The following DOCK3 variants were observed in gnomAD, a reference collection of about 807,000 sequenced individuals.
The protein encoded by DOCK3 is dedicator of cytokinesis protein 3.
A neutral mutation model predicts 265.6 loss-of-function variants in DOCK3; 60 were observed. That is an observed-to-expected ratio of 0.23 (90% CI 0.18 to 0.28). DOCK3 has a LOEUF of 0.28. Among genes scored for constraint, DOCK3 ranks in the 10% least tolerant of loss-of-function variants. The pLI is 1.00. For missense variants in DOCK3, 1,981 were observed against 2,594.3 expected (o/e 0.76, Z 5.14); for synonymous variants, 881 against 938.0 (o/e 0.94, Z 1.11).
intron 9 of DOCK3, among the ~76,000 whole-genome samples, chr3:51,118,798 AT>A (rs564429211): frequency 7.5e-4 from 108 of 143,652 alleles, no homozygotes; most frequent in Admixed American, 1.3e-3. Flanking sequence ...ATTACAACCC[AT>A]TTTTTTTTTT....
intron 5 of DOCK3, among the ~76,000 whole-genome samples, chr3:50,956,695 C>G (rs1034988767): frequency 6.6e-6 from 1 of 152,094 alleles, no homozygotes; most frequent in African/African-American, 2.4e-5. Context: ...TAGATTTTGT[C>G]TAGCTGAGTA....
At chr3:51,163,450 C>G (rs968303059) in intron 12 of DOCK3, among the ~76,000 whole-genome samples, 2 of 151,304 alleles carry the variant, frequency 1.3e-5, no homozygotes, top group Admixed American at 6.6e-5. Context: ...AAAACTAAGT[C>G]ACTTCCTAAT....
At chr3:51,379,940 CT>C (rs2088484455) in intron 51 of DOCK3, among the ~76,000 whole-genome samples, 184 bp from the exon 52 acceptor site, 1 of 152,200 alleles carries the variant, frequency 6.6e-6, no homozygotes, top group South Asian at 2.1e-4. Flanking sequence ...GAGTGAGTTT[CT>C]TTTACCCCAG....
chr3:50,740,713 G>A (rs2038962499), intron 1 of DOCK3, among the ~76,000 whole-genome samples: 1 of 152,080 alleles, frequency 6.6e-6, no homozygotes, highest in South Asian at 2.1e-4. Context: ...GGTTTTTAAA[G>A]TTGTTGTAGT....
intron 12 of DOCK3, among the ~76,000 whole-genome samples, chr3:51,191,916 A>G (rs2087971706): frequency 6.6e-6 from 1 of 151,362 alleles, no homozygotes; most frequent in African/African-American, 2.4e-5. Context: ...GTTTGGAAAT[A>G]TTAGTCCCTT....
intron 48 of DOCK3, 41 bp from the exon 49 acceptor site, chr3:51,362,486 C>G (rs781649422): frequency 6.2e-7 from 1 of 1,612,356 alleles, no homozygotes; most frequent in Non-Finnish European, 8.5e-7. Context: ...AAAGTCCTGG[C>G]CATTCAGACC....
rs142918885 is a variant in DOCK3 at position 51,202,034 on chromosome 3, G to T, written c.1038-6740G>T. On this transcript the variant is annotated intron_variant, in intron 12 of 52. Coordinates refer to ENST00000266037, the MANE Select transcript of DOCK3 (RefSeq NM_004947.5). The stretch of plus-strand genomic sequence containing the variant: ...ACACATTTAAAGCAGTGTGTAGAGG[G>T]AAATTTATAGCATTCAATGCCCACA... Among the ~76,000 whole-genome samples the T allele has an allele frequency of 2.9e-3, 446 of 152,218 alleles. 1 individual carries two copies. Among genetic ancestry groups the T allele is most frequent in the African/African-American group, 0.01 (425 of 41,512 alleles).
intron 26 of DOCK3, among the ~76,000 whole-genome samples, chr3:51,279,556 G>A (rs2081002359): frequency 6.6e-6 from 1 of 152,152 alleles, no homozygotes; most frequent in Non-Finnish European, 1.5e-5. Flanking sequence ...AAAGCCCATA[G>A]CTTGTCCCCT....
chr3:51,106,867 GCT>G (rs2083302615), intron 9 of DOCK3, among the ~76,000 whole-genome samples: 1 of 152,222 alleles, frequency 6.6e-6, no homozygotes, highest in Admixed American at 6.5e-5. Flanking sequence ...AGACAAGTGT[GCT>G]CCCCACTGCA....
chr3:51,294,109 A>C (rs1339008176), intron 27 of DOCK3, among the ~76,000 whole-genome samples: 1 of 152,216 alleles, frequency 6.6e-6, no homozygotes, highest in African/African-American at 2.4e-5. Flanking sequence ...AGAGGAATTA[A>C]ACTCAGTATG....
At chr3:51,210,151 TAA>T in intron 13 of DOCK3, among the ~76,000 whole-genome samples, 1 of 152,194 alleles carries the variant, frequency 6.6e-6, no homozygotes, top group East Asian at 1.9e-4. Flanking sequence ...GAGAATATTT[TAA>T]AAGAGAGATG....
intron 1 of DOCK3, among the ~76,000 whole-genome samples, chr3:50,747,933 G>A (rs541742986): frequency 2.6e-5 from 4 of 152,052 alleles, no homozygotes; most frequent in Admixed American, 2.6e-4. Context: ...AAATGTGGTT[G>A]TTTTTTGCAT....
At chr3:50,724,450 A>G (rs1331799592) in intron 1 of DOCK3, among the ~76,000 whole-genome samples, 1 of 152,250 alleles carries the variant, frequency 6.6e-6, no homozygotes. Flanking sequence ...CCAAATGCCC[A>G]TCAATGATAG....
chr3:50,970,559 T>C (rs1423494221), intron 5 of DOCK3, among the ~76,000 whole-genome samples: 1 of 151,954 alleles, frequency 6.6e-6, no homozygotes, highest in Admixed American at 6.5e-5. Flanking sequence ...GATTCTTTCC[T>C]CTGCTTGTTC....
chr3:51,253,439 G>T (rs569919209), intron 22 of DOCK3, among the ~76,000 whole-genome samples: 36 of 152,276 alleles, frequency 2.4e-4, no homozygotes, highest in Middle Eastern at 3.4e-3. Flanking sequence ...AGAAGGAGTG[G>T]TACCAGCTCC....
At chr3:51,196,146 G>A (rs2088283106) in intron 12 of DOCK3, among the ~76,000 whole-genome samples, 1 of 151,156 alleles carries the variant, frequency 6.6e-6, no homozygotes, top group Admixed American at 6.6e-5. Context: ...ATGCTGCGTA[G>A]GCTGTTCTCA....
intron 1 of DOCK3, among the ~76,000 whole-genome samples, chr3:50,763,886 G>T (rs1330689113): frequency 2.0e-5 from 3 of 152,042 alleles, no homozygotes; most frequent in Admixed American, 6.6e-5. Flanking sequence ...ATGGATATTG[G>T]TCTATATGTA....
chr3:51,117,474 C>T (rs2083792222), intron 9 of DOCK3, among the ~76,000 whole-genome samples: 1 of 152,096 alleles, frequency 6.6e-6, no homozygotes, highest in Non-Finnish European at 1.5e-5. Context: ...TGATGCTGGC[C>T]TCATAAAATG....
intron 5 of DOCK3, among the ~76,000 whole-genome samples, chr3:51,018,664 G>A (rs1336003538): frequency 1.3e-5 from 2 of 151,726 alleles, no homozygotes; most frequent in African/African-American, 4.9e-5. Context: ...TATACATGTA[G>A]TCAGAAGGTA....
Sources: gnomAD v4.1 joint callset for allele counts (sites outside exome capture counted in the v4.1 genomes callset) on GRCh38, gnomAD v4.1.1 for gene constraint, MANE v1.5 for transcripts, NCBI Gene and HGNC (gene_info 2026-07-23, HGNC 2026-07-21) for gene names.